Variants in SLC4A5 observed in about 807,000 individuals in gnomAD.
SLC4A5 encodes the protein solute carrier family 4 member 5, also known as electrogenic sodium bicarbonate cotransporter 4.
In SLC4A5, 96 loss-of-function variants were observed where a neutral mutation model predicts 120.4. The ratio of observed to expected loss-of-function variants is 0.80; its 90% confidence interval spans 0.68 to 0.94. The LOEUF is 0.94. Among genes scored for constraint, SLC4A5 ranks in the 40% least tolerant of loss-of-function variants. The pLI, the probability that SLC4A5 is intolerant of heterozygous loss-of-function variation, is 0.00. For synonymous variants in SLC4A5, 550 were observed against 571.1 expected (o/e 0.96, Z 0.53); for missense variants, 1,259 against 1,459.5 (o/e 0.86, Z 2.24).
At chr2:74,328,147 G>T (rs1026353198) in exon 5 of SLC4A5, 10 of 985,732 alleles carry the variant, frequency 1.0e-5, no homozygotes, top group African/African-American at 3.5e-5. Context: ...TGGAAACCAG[G>T]ATCCAAATCC....
chr2:74,323,568 A>G (rs1170303914), intron 5 of SLC4A5, among the ~76,000 whole-genome samples: 2 of 152,178 alleles, frequency 1.3e-5, no homozygotes, highest in East Asian at 3.8e-4. Flanking sequence ...AGGCTTTGGA[A>G]CGAGCCACTC....
At chr2:74,262,188 G>A in exon 11 of SLC4A5, 1 of 1,613,896 alleles carries the variant, frequency 6.2e-7, no homozygotes, top group South Asian at 1.1e-5. Context: ...TCCGTGGAGT[G>A]GTGTAGACTC....
At chr2:74,220,593 T>C (rs1694598750) in intron 30 of SLC4A5, among the ~76,000 whole-genome samples, 1 of 151,864 alleles carries the variant, frequency 6.6e-6, no homozygotes, top group Non-Finnish European at 1.5e-5. Context: ...CTCGGCTCAC[T>C]GCAAGCTCCG....
chr2:74,242,036 G>T, exon 20 of SLC4A5: 2 of 1,606,670 alleles, frequency 1.2e-6, no homozygotes, highest in South Asian at 1.1e-5. Context: ...CTGAAGCATT[G>T]AACACGGTTG....
At chr2:74,292,084 T>C (rs1443994562) in intron 7 of SLC4A5, among the ~76,000 whole-genome samples, 5 of 152,218 alleles carry the variant, frequency 3.3e-5, no homozygotes, top group African/African-American at 1.2e-4. Context: ...GAGCCTTAGT[T>C]TCCTCATCTA....
At chr2:74,225,115 T>C in intron 27 of SLC4A5, 120 bp from the exon 28 acceptor site, 1 of 924,364 alleles carries the variant, frequency 1.1e-6, no homozygotes, top group Non-Finnish European at 1.6e-6. Context: ...CTTTTTGTGG[T>C]GTCTTTGGAG....
At chr2:74,221,549 A>AT in intron 29 of SLC4A5, 48 bp from the exon 30 acceptor site, 1 of 1,581,874 alleles carries the variant, frequency 6.3e-7, no homozygotes, top group Non-Finnish European at 8.7e-7. Context: ...TTTGAGCACC[A>AT]TATTTCTCCG....
chr2:74,232,046 C>T (rs756923667), intron 24 of SLC4A5, among the ~76,000 whole-genome samples: 3 of 152,082 alleles, frequency 2.0e-5, no homozygotes, highest in Non-Finnish European at 2.9e-5. Context: ...GACTGGGGAG[C>T]GGGGGTGATC....
At position 74,255,386 on chromosome 2, in the gene SLC4A5, G is replaced by T. The variant is rs1458260929; in HGVS notation, c.1025+389C>A. Among the ~76,000 whole-genome samples the T allele has an allele frequency of 1.3e-5, 2 of 151,836 alleles. No homozygotes were observed. Among genetic ancestry groups the T allele is most frequent in the East Asian group, 3.9e-4 (2 of 5,134 alleles). Reference sequence around the variant, plus strand: ...CGGCTCACTGCAACCTCTGCCTCCCGGGTTCAAGTGATTCTCCTGCCTCAG... The same window carrying T: ...CGGCTCACTGCAACCTCTGCCTCCCTGGTTCAAGTGATTCTCCTGCCTCAG... On this transcript the variant is annotated intron_variant, in intron 13 of 30. Coordinates refer to ENST00000394019, the Ensembl canonical transcript of SLC4A5. The surrounding 1 kb of genome is among the most constrained non-coding windows in gnomAD (Gnocchi z 4.0).
intron 6 of SLC4A5, among the ~76,000 whole-genome samples, chr2:74,305,189 G>A (rs752797694): frequency 3.4e-4 from 51 of 152,234 alleles, no homozygotes; most frequent in Non-Finnish European, 6.5e-4. Context: ...AAGAACTAAA[G>A]TTACCAAGAG....
exon 31 of SLC4A5, chr2:74,217,611 A>G (rs1694486494): frequency 6.6e-6 from 1 of 152,248 alleles, no homozygotes; most frequent in Non-Finnish European, 1.5e-5. Flanking sequence ...AAAACCAGTG[A>G]TACTAATTTA....
At chr2:74,270,849 A>T (rs1671453324) in intron 8 of SLC4A5, among the ~76,000 whole-genome samples, 1 of 152,216 alleles carries the variant, frequency 6.6e-6, no homozygotes, top group Non-Finnish European at 1.5e-5. Flanking sequence ...TGGGGTCCCA[A>T]CGCAGGCAAA....
At chr2:74,288,330 C>T (rs1193348215) in intron 7 of SLC4A5, among the ~76,000 whole-genome samples, 2 of 152,078 alleles carry the variant, frequency 1.3e-5, no homozygotes, top group African/African-American at 4.8e-5. Context: ...TCACTTATTG[C>T]CATGCACCCA....
intron 17 of SLC4A5, among the ~76,000 whole-genome samples, chr2:74,249,781 A>T (rs548105172): frequency 6.6e-6 from 1 of 152,302 alleles, no homozygotes; most frequent in African/African-American, 2.4e-5. Context: ...CCCAAAAGGC[A>T]GCTTGACAAA....
intron 10 of SLC4A5, 58 bp from the exon 11 acceptor site, chr2:74,262,290 T>C: frequency 1.4e-6 from 2 of 1,458,922 alleles, no homozygotes; most frequent in South Asian, 1.2e-5. Flanking sequence ...TAGCGAAGCC[T>C]CTTGGGTTAG....
intron 24 of SLC4A5, among the ~76,000 whole-genome samples, chr2:74,232,220 C>A (rs908649637): frequency 2.0e-5 from 3 of 152,078 alleles, no homozygotes; most frequent in Admixed American, 1.3e-4. Flanking sequence ...GTGTCTGGCA[C>A]GTGTGCATAT....
At chr2:74,227,509 A>G (rs1202722362) in intron 26 of SLC4A5, 2 of 1,611,488 alleles carry the variant, frequency 1.2e-6, no homozygotes, top group African/African-American at 1.3e-5. Flanking sequence ...GTACAGTGAA[A>G]TGCTCACTGG....
intron 30 of SLC4A5, among the ~76,000 whole-genome samples, chr2:74,220,841 C>CTTT (rs60945273): frequency 1.7e-5 from 2 of 117,446 alleles, no homozygotes; most frequent in Admixed American, 9.4e-5. Flanking sequence ...TATTTCCTTT[C>CTTT]TTTTTTTTTT....
rs754044063 is a variant in SLC4A5, at chr2:74,255,776, T to G, written c.1024A>C (p.Arg342=). ...GGGACAGGTTTCAATGGCTCTCACCTGGTGGGGACAGGCACCTCGGTCACT... is the reference window on the plus strand; with the variant it reads ...GGGACAGGTTTCAATGGCTCTCACCGGGTGGGGACAGGCACCTCGGTCACT... Residue 342 remains arginine, a splice_region_variant and synonymous_variant, in exon 13 of 31, where the codon AGA becomes CGA. Transcript: ENST00000394019. The surrounding 1 kb of genome is among the most constrained non-coding windows in gnomAD (Gnocchi z 4.0). 1 of 1,614,084 alleles carries G rather than the reference T, an allele frequency of 6.2e-7. No individual in the cohort carries two copies. Among genetic ancestry groups the G allele is most frequent in the South Asian group, 1.1e-5 (1 of 91,070 alleles).
Sources: allele counts gnomAD v4.1 joint callset (sites outside exome capture counted in the v4.1 genomes callset), GRCh38; gene constraint gnomAD v4.1.1; non-coding constraint Gnocchi (gnomAD v3.1); transcripts MANE v1.5; gene names NCBI Gene and HGNC (gene_info 2026-07-23, HGNC 2026-07-21).